NID1: variants seen among roughly 807,000 people sequenced by gnomAD.
NID1 encodes the protein nidogen 1, also known as nidogen-1.
Under a neutral mutation model 130.6 loss-of-function variants are expected in NID1, and 76 were observed. The observed-to-expected ratio is 0.58, with a 90% CI of 0.48 to 0.70. The LOEUF (loss-of-function observed/expected upper bound fraction) is 0.70. NID1 is among the 30% of genes least tolerant of loss of function. The probability of loss-of-function intolerance (pLI) is 0.00; values close to 1 mark genes in which losing one functional copy is unlikely to be tolerated. For synonymous variants in NID1, 665 were observed against 675.1 expected (o/e 0.98, Z 0.23); for missense variants, 1,517 against 1,664.8 (o/e 0.91, Z 1.54).
chr1:236,011,569 T>C (rs1054333484), intron 12 of NID1, among the ~76,000 whole-genome samples: 17 of 152,144 alleles, frequency 1.1e-4, no homozygotes, highest in Admixed American at 2.6e-4. Flanking sequence ...TCCTAAAGTA[T>C]TGGGATTATA....
rs759141799 is a variant in NID1, at chr1:236,024,081, C to T, written c.2117G>A (p.Arg706Gln). ...ATCAAAGGCTGTACCATAGCAGGTT[C>T]GCCCGTCTCCTCGGAAGCCGATGGA... ...ECSIGFRGDG[R>Q]TCYDIDECSE... The change falls in exon 9 of 20, where the codon CGA becomes CAA. Residue 706 changes from arginine (R) to glutamine (Q), a missense_variant. This residue lies in a region of NID1 where 1,329 missense variants were observed against 1,429.2 expected (regional missense o/e 0.93). Transcript: ENST00000264187. The T allele has an allele frequency of 1.7e-5, 27 of 1,614,066 alleles. No homozygotes were observed. Among genetic ancestry groups the T allele is most frequent in the African/African-American group, 5.3e-5 (4 of 75,064 alleles).
chr1:235,976,297 G>C lies in NID1; in HGVS notation c.*1570C>G, dbSNP rs1194766237. The C allele has an allele frequency of 6.6e-6, 1 of 152,146 alleles. No individual in the cohort carries two copies. The highest frequency in any genetic ancestry group is 2.4e-5 in the African/African-American group (1 of 41,438). 9.4% of individuals were successfully genotyped at this position (152,146 alleles called of 1,614,324 possible). On this transcript the variant is annotated 3_prime_UTR_variant, in exon 20 of 20. Transcript: ENST00000264187. ...AGTGTACTGGGGTTTGAGGAAAAGA[G>C]GAGAGACTCTTTTCCCCAAAGAGAG...
At chr1:236,027,859 CA>C (rs904048720) in intron 7 of NID1, among the ~76,000 whole-genome samples, 1 of 150,504 alleles carries the variant, frequency 6.6e-6, no homozygotes, top group African/African-American at 2.4e-5. Flanking sequence ...AAAACAAAAA[CA>C]AAAAAAACGA....
At chr1:235,982,791 C>T (rs1169664892) in intron 15 of NID1, among the ~76,000 whole-genome samples, 1 of 152,112 alleles carries the variant, frequency 6.6e-6, no homozygotes, top group Non-Finnish European at 1.5e-5. Context: ...TTTAGTATGA[C>T]TGGAGTATAA....
Position 235,979,961 on chromosome 1 carries a change from A to G in NID1, c.3386-16T>C. 6.2e-7 allele frequency: 1 copy of G among 1,613,534 alleles called. No individual in the cohort carries two copies. On this transcript the variant is annotated splice_polypyrimidine_tract_variant and intron_variant, in intron 17 of 19. Coordinates refer to ENST00000264187, the MANE Select transcript of NID1 (RefSeq NM_002508.3). The surrounding 1 kb of genome is among the most constrained non-coding windows in gnomAD (Gnocchi z 4.6). ...CGATTGGTGCCTGTGTGGAGTGGAA[A>G]CAATTCATTCATTGTTCACACAAGA...
chr1:236,028,648 A>G (rs1312196403), intron 7 of NID1, among the ~76,000 whole-genome samples: 2 of 152,044 alleles, frequency 1.3e-5, no homozygotes, highest in Non-Finnish European at 2.9e-5. Context: ...AGAACGATCT[A>G]TCATGATATA....
In NID1 at chr1:236,042,212, T is replaced by C. The variant is rs1430320629; in HGVS notation, c.833A>G (p.Asp278Gly). The change falls in exon 4 of 20, where the codon GAC (aspartate) becomes GGC (glycine). Residue 278 changes from aspartate (D) to glycine (G), a missense_variant. By Grantham distance (94) the Asp-to-Gly change is moderately conservative. Coordinates refer to ENST00000264187, the MANE Select transcript of NID1 (RefSeq NM_002508.3). ...CCCATCTTCAGTTCCGAGGATCACG[T>C]CTGCAGGCACCACGCCATTGGTGGT... ...PATTNGVVPADVILGTEDGAE... is the reference protein window; with the variant it reads ...PATTNGVVPAGVILGTEDGAE... The C allele has an allele frequency of 6.2e-7, 1 of 1,612,968 alleles. No homozygotes were observed. Among genetic ancestry groups the C allele is most frequent in the Non-Finnish European group, 8.5e-7 (1 of 1,180,022 alleles).
At chr1:236,021,054 C>CCGCGGG (rs1305460073) in intron 9 of NID1, among the ~76,000 whole-genome samples, 8 of 152,238 alleles carry the variant, frequency 5.3e-5, no homozygotes, top group Non-Finnish European at 1.2e-4. Flanking sequence ...TGGGTTACTT[C>CCGCGGG]TGCACCTTAT....
In NID1 at chr1:236,017,200, G is replaced by A. The variant is rs1658623545; in HGVS notation, c.2202C>T (p.Phe734=). 24 of 1,614,152 alleles carry A rather than the reference G, an allele frequency of 1.5e-5. No individual in the cohort carries two copies. Among genetic ancestry groups the A allele is most frequent in the Non-Finnish European group, 2.0e-5 (24 of 1,180,010 alleles). ...HTICNNHPGT[F]RCECVEGYQF... Reference sequence around the variant, plus strand: ...GGTAGCCCTCCACACACTCGCAGCGGAAGGTTCCTGGGTGATTATTGCAGA... The same window carrying A: ...GGTAGCCCTCCACACACTCGCAGCGAAAGGTTCCTGGGTGATTATTGCAGA... Residue 734 remains phenylalanine, a synonymous_variant, in exon 10 of 20, where the codon TTC becomes TTT. Coordinates refer to ENST00000264187, the MANE Select transcript of NID1 (RefSeq NM_002508.3).
In NID1 at chr1:236,026,064, T is replaced by G. The variant is rs146108163; in HGVS notation, c.1816A>C (p.Thr606Pro). ...GTGATGGTCTGGCGCCACTGGTAAG[T>G]GTAGATGCGTGAAGGAGATGCCCCA... is the stretch of plus-strand genomic sequence containing the variant. ...RDGASPSRIY[T>P]YQWRQTITFQ... is the part of the protein sequence containing the mutation. Residue 606 changes from threonine (T) to proline (P), a missense_variant, in exon 8 of 20, where the codon ACT (threonine) becomes CCT (proline). Around this residue, in one of 3 missense-constraint regions of NID1, gnomAD observed 1,329 missense variants for 1,429.2 expected, o/e 0.93. Transcript: ENST00000264187. 20 of 1,613,312 alleles carry G rather than the reference T, an allele frequency of 1.2e-5. No homozygotes were observed. The African/African-American group carries it at 1.5e-4, about 12-fold the overall frequency.
chr1:236,045,332 T>A lies in NID1; in HGVS notation c.752+125A>T, dbSNP rs1659568282. 7.8e-6 allele frequency: 5 copies of A among 643,034 alleles called. No homozygotes were observed. The South Asian group carries it at 8.3e-5, about 11-fold the overall frequency. The allele number at this position is 643,034 out of a possible 1,614,324, so 39.8% of individuals were successfully genotyped here. On this transcript the variant is annotated intron_variant, in intron 3 of 19. Coordinates refer to ENST00000264187, the MANE Select transcript of NID1 (RefSeq NM_002508.3). Reference sequence around the variant, plus strand: ...ATCAGAAAAAGAGTATCTCATAATATAAAAACTATATGCAAAACTTAAATC... The same window carrying A: ...ATCAGAAAAAGAGTATCTCATAATAAAAAAACTATATGCAAAACTTAAATC...
chr1:236,057,583 A>T (rs1487909656), intron 1 of NID1, among the ~76,000 whole-genome samples: 1 of 151,968 alleles, frequency 6.6e-6, no homozygotes, highest in Non-Finnish European at 1.5e-5. Context: ...TACAAAAATT[A>T]GCCGGGCGTG....
intron 9 of NID1, among the ~76,000 whole-genome samples, chr1:236,022,479 T>C (rs567645487): frequency 6.6e-6 from 1 of 151,200 alleles, no homozygotes; most frequent in African/African-American, 2.4e-5. Context: ...TAGCTGGGAC[T>C]ACAGACACCT....
chr1:235,980,783 A>G, intron 16 of NID1, 130 bp from the exon 17 acceptor site: 1 of 993,478 alleles, frequency 1.0e-6, no homozygotes, highest in Non-Finnish European at 1.5e-6. Flanking sequence ...GACTGAAAGG[A>G]TCGAGAGGTG....
At chr1:236,047,489 C>T (rs1347391655) in intron 2 of NID1, among the ~76,000 whole-genome samples, 1 of 152,136 alleles carries the variant, frequency 6.6e-6, no homozygotes, top group African/African-American at 2.4e-5. Flanking sequence ...CTCAAAGACC[C>T]TGCTTCCTTC....
intron 9 of NID1, among the ~76,000 whole-genome samples, chr1:236,017,537 C>A (rs1472421578): frequency 6.6e-6 from 1 of 151,658 alleles, no homozygotes; most frequent in Non-Finnish European, 1.5e-5. Flanking sequence ...ACGTGTGTGC[C>A]ACCACGCCTG....
intron 5 of NID1, among the ~76,000 whole-genome samples, chr1:236,034,973 C>CTTTTTTTTTTTTTTTTT (rs11371749): frequency 7.6e-6 from 1 of 131,688 alleles, no homozygotes; most frequent in African/African-American, 2.9e-5. Flanking sequence ...GCAGAGTTTT[C>CTTTTTTTTTTTTTTTTT]TTTTTTTTTT....
chr1:235,997,838 C>A (rs1261808193), intron 12 of NID1, among the ~76,000 whole-genome samples: 1 of 152,082 alleles, frequency 6.6e-6, no homozygotes, highest in African/African-American at 2.4e-5. Flanking sequence ...GAACTCCTGA[C>A]CTCAGGTGAT....
Position 235,979,116 on chromosome 1 carries a change from C to A in NID1, c.3510-9G>T. ...GAGCAACCACGGAATTCCTACAAAGCACCAAAGGGCAGAAGGTGAAAACAC... is the reference window on the plus strand; with the variant it reads ...GAGCAACCACGGAATTCCTACAAAGAACCAAAGGGCAGAAGGTGAAAACAC... On this transcript the variant is annotated splice_polypyrimidine_tract_variant and intron_variant, in intron 18 of 19. Coordinates refer to ENST00000264187, the MANE Select transcript of NID1 (RefSeq NM_002508.3). This position sits in a 1 kb window ranked among gnomAD's most constrained non-coding sequence, Gnocchi z 4.6. 6.4e-7 allele frequency: 1 copy of A among 1,564,302 alleles called. No homozygotes were observed. Among genetic ancestry groups the A allele is most frequent in the Non-Finnish European group, 8.8e-7 (1 of 1,134,724 alleles).
Sources: gnomAD v4.1 joint callset for allele counts (sites outside exome capture counted in the v4.1 genomes callset) on GRCh38, gnomAD v4.1.1 for gene constraint, gnomAD v4.1.1 regional missense constraint, Gnocchi (gnomAD v3.1) non-coding constraint, MANE v1.5 for transcripts, NCBI Gene and HGNC (gene_info 2026-07-23, HGNC 2026-07-21) for gene names.